Variants in PPP2R1B observed in about 807,000 individuals in gnomAD.
PPP2R1B encodes protein phosphatase 2 scaffold subunit Abeta, also known as serine/threonine-protein phosphatase 2A 65 kDa regulatory subunit A beta isoform.
Under a neutral mutation model 72.7 loss-of-function variants are expected in PPP2R1B, and 58 were observed. The ratio of observed to expected loss-of-function variants is 0.80; its 90% CI spans 0.65 to 0.99. The LOEUF is 0.99. Ranked by LOEUF, PPP2R1B falls within the 50% of genes least tolerant of loss-of-function variation. The pLI is 0.00. For synonymous variants in PPP2R1B, 256 were observed against 264.6 expected (o/e 0.97, Z 0.32); for missense variants, 695 against 733.6 (o/e 0.95, Z 0.61).
downstream of PPP2R1B, among the ~76,000 whole-genome samples, chr11:111,736,223 C>T (rs993199487): frequency 6.6e-6 from 1 of 152,134 alleles, no homozygotes; most frequent in Non-Finnish European, 1.5e-5. Flanking sequence ...GTAACGGCAA[C>T]TTATTCTCAG....
rs571835781 is a variant in PPP2R1B at position 111,740,643 on chromosome 11, A to G, written c.*953T>C. On this transcript the variant is annotated 3_prime_UTR_variant, in exon 15 of 15. Coordinates refer to ENST00000527614, the MANE Select transcript of PPP2R1B (RefSeq NM_002716.5). Reference sequence around the variant, plus strand: ...CTTCAAATGATAAGACTCCAGTATCACCCATACTAAAAACTTAGCAATAAA... The same window carrying G: ...CTTCAAATGATAAGACTCCAGTATCGCCCATACTAAAAACTTAGCAATAAA... The G allele has an allele frequency of 1.0e-6, 1 of 985,302 alleles. No homozygotes were observed. The highest frequency in any genetic ancestry group is 4.7e-5 in the South Asian group (1 of 21,288). The allele number at this position is 985,302 out of a possible 1,614,324, so 61.0% of individuals were successfully genotyped here.
intron 2 of PPP2R1B, 108 bp downstream of exon 2, chr11:111,765,186 A>G (rs1252047795): frequency 1.6e-6 from 2 of 1,213,312 alleles, no homozygotes; most frequent in East Asian, 2.3e-5. Flanking sequence ...TTTGCACAAA[A>G]AACACCTGGC....
the PPP2R1B span, chr11:111,688,011 T>A: frequency 1.2e-6 from 2 of 1,614,170 alleles, no homozygotes; most frequent in Non-Finnish European, 1.7e-6. This position sits in a 1 kb window ranked among gnomAD's most constrained non-coding sequence, Gnocchi z 4.2. Context: ...ACTATCTTGC[T>A]AATCATGGCC....
At position 111,759,919 on chromosome 11, in the gene PPP2R1B, G is replaced by A; in HGVS notation, c.572C>T (p.Pro191Leu). 2 of 1,613,966 alleles carry A rather than the reference G, an allele frequency of 1.2e-6. No homozygotes were observed. Among genetic ancestry groups the A allele is most frequent in the Non-Finnish European group, 1.7e-6 (2 of 1,179,958 alleles). Residue 191 changes from proline (P) to leucine (L), a missense_variant, in exon 5 of 15, where the codon CCA becomes CTA. Transcript: ENST00000527614. ...GGAAGCAGCAGCACGTCGTACCATTGGTGTGTCATCTGAGCACAAGGAACG... is the reference window on the plus strand; with the variant it reads ...GGAAGCAGCAGCACGTCGTACCATTAGTGTGTCATCTGAGCACAAGGAACG... ...QFRSLCSDDTPMVRRAAASKL... is the reference protein window; with the variant it reads ...QFRSLCSDDTLMVRRAAASKL...
chr11:111,741,910 A>T (rs1396686833), intron 14 of PPP2R1B, 143 bp downstream of exon 14: 1 of 840,908 alleles, frequency 1.2e-6, no homozygotes, highest in Non-Finnish European at 2.0e-6. Context: ...CTAATCAGAG[A>T]GACACCAGCA....
rs542992449 is a variant in PPP2R1B at position 111,738,054 on chromosome 11, T to C, written c.*3542A>G. The C allele has an allele frequency of 3.0e-5, 30 of 1,005,486 alleles. 1 individual carries two copies. Among genetic ancestry groups the C allele is most frequent in the Non-Finnish European group, 3.4e-5 (29 of 840,684 alleles). 62.3% of individuals were successfully genotyped at this position (1,005,486 alleles called of 1,614,324 possible). A position where few individuals can be genotyped will look rare whatever the true frequency, so the allele number is the denominator to read the frequency against. On this transcript the variant is annotated 3_prime_UTR_variant, in exon 15 of 15. Transcript: ENST00000527614. Reference sequence around the variant, plus strand: ...AGGCAAACGGGGGACAGTGAGACTATTCTAGGTACAGAGGACTGGAGGGAG... The same window carrying C: ...AGGCAAACGGGGGACAGTGAGACTACTCTAGGTACAGAGGACTGGAGGGAG...
chr11:111,742,227 G>T, intron 13 of PPP2R1B, 83 bp from the exon 14 acceptor site: 1 of 1,070,832 alleles, frequency 9.3e-7, no homozygotes, highest in South Asian at 1.5e-5. Flanking sequence ...AATGGTAATT[G>T]TTAAAATTTA....
In PPP2R1B at chr11:111,738,447, A is replaced by G. The variant is rs571130222; in HGVS notation, c.*3149T>C. 1,451 of 985,484 alleles carry G rather than the reference A, an allele frequency of 1.5e-3. 18 individuals are homozygous for G. The South Asian group carries it at 0.026, about 18-fold the overall frequency. 61.0% of individuals were successfully genotyped at this position (985,484 alleles called of 1,614,324 possible). On this transcript the variant is annotated 3_prime_UTR_variant, in exon 15 of 15. Transcript: ENST00000527614. ...GTTTAGTGACAACACAACAGTTAAC[A>G]AAGGAACAAAAGTGCACCAGGTTAA...
At chr11:111,763,713 G>A (rs1472247651) in intron 3 of PPP2R1B, among the ~76,000 whole-genome samples, 1 of 152,166 alleles carries the variant, frequency 6.6e-6, no homozygotes, top group Non-Finnish European at 1.5e-5. Context: ...ACCATTTACT[G>A]AAGTGGAACA....
chr11:111,737,348 G>T, downstream of PPP2R1B: 1 of 1,556,988 alleles, frequency 6.4e-7, no homozygotes, highest in Non-Finnish European at 8.8e-7. Flanking sequence ...GAGAGGTGCT[G>T]CTTCTCCGCC....
chr11:111,752,970 A>AAAAC (rs35779546), intron 9 of PPP2R1B, among the ~76,000 whole-genome samples: 98,869 of 150,606 alleles, frequency 0.66, 32,615 homozygotes, highest in Middle Eastern at 0.78. Flanking sequence ...CTCAAAAAAC[A>AAAAC]AAACAAACAA....
At chr11:111,734,660 G>A (rs1182150408), downstream of PPP2R1B, among the ~76,000 whole-genome samples, 1 of 152,210 alleles carries the variant, frequency 6.6e-6, no homozygotes, top group Non-Finnish European at 1.5e-5. Context: ...GAACATCCCT[G>A]GGCTTTGGTC....
the PPP2R1B span, among the ~76,000 whole-genome samples, chr11:111,706,707 A>G: frequency 6.6e-6 from 1 of 152,168 alleles, no homozygotes; most frequent in Non-Finnish European, 1.5e-5. Flanking sequence ...CACACCTGTA[A>G]TCCCAGCACT....
downstream of PPP2R1B, among the ~76,000 whole-genome samples, chr11:111,734,167 G>C (rs1002510533): frequency 5.3e-5 from 8 of 152,330 alleles, no homozygotes; most frequent in Admixed American, 5.2e-4. Context: ...CTGTCACAGA[G>C]TCCCACTCTG....
the PPP2R1B span, chr11:111,718,950 C>A: frequency 6.6e-6 from 1 of 152,260 alleles, no homozygotes; most frequent in Non-Finnish European, 1.5e-5. Flanking sequence ...GTTCTGCCTG[C>A]CATTAGGCAG....
the PPP2R1B span, chr11:111,721,109 G>A: frequency 6.4e-7 from 1 of 1,568,266 alleles, no homozygotes; most frequent in Non-Finnish European, 8.6e-7. Context: ...AGGATGAGGT[G>A]TGAGTTTGTC....
chr11:111,737,525 T>C (rs772736634), downstream of PPP2R1B: 8 of 1,614,094 alleles, frequency 5.0e-6, no homozygotes, highest in African/African-American at 6.7e-5. Flanking sequence ...GGTTCTCCAC[T>C]GTCCTTCACA....
chr11:111,697,435 G>C, the PPP2R1B span, among the ~76,000 whole-genome samples: 3 of 152,146 alleles, frequency 2.0e-5, no homozygotes, highest in East Asian at 5.8e-4. Flanking sequence ...AGACAGATAA[G>C]TAAAATAATA....
downstream of PPP2R1B, among the ~76,000 whole-genome samples, chr11:111,734,493 C>T (rs186076260): frequency 7.2e-5 from 11 of 152,310 alleles, no homozygotes; most frequent in South Asian, 4.1e-4. Flanking sequence ...TCTTTTTGTG[C>T]GGACAGCTCG....
Sources: allele counts gnomAD v4.1 joint callset (sites outside exome capture counted in the v4.1 genomes callset), GRCh38; gene constraint gnomAD v4.1.1; non-coding constraint Gnocchi (gnomAD v3.1); transcripts MANE v1.5; gene names NCBI Gene and HGNC (gene_info 2026-07-23, HGNC 2026-07-21).